Variants in LARGE1 observed in about 807,000 individuals in gnomAD.
The protein encoded by LARGE1 is LARGE xylosyl- and glucuronyltransferase 1.
LARGE1 carries 43 observed loss-of-function variants against 87.6 expected under a neutral mutation model. The observed-to-expected ratio is 0.49, with a 90% CI of 0.38 to 0.63. The LOEUF (loss-of-function observed/expected upper bound fraction) is 0.63, where lower values mean the gene tolerates loss of function less well. Ranked by LOEUF, LARGE1 falls within the 30% of genes least tolerant of loss-of-function variation. The probability of loss-of-function intolerance (pLI) is 0.00; values close to 1 mark genes in which losing one functional copy is unlikely to be tolerated. For missense variants in LARGE1, 802 were observed against 1,000.2 expected (o/e 0.80, Z 2.67); for synonymous variants, 434 against 394.6 (o/e 1.10, Z -1.18).
At chr22:33,259,642 T>C (rs566318554) in intron 11 of LARGE1, among the ~76,000 whole-genome samples, 2 of 152,316 alleles carry the variant, frequency 1.3e-5, no homozygotes, top group African/African-American at 4.8e-5. Flanking sequence ...CCCACTTGGG[T>C]CATTGAATCC....
At chr22:33,696,096 A>G (rs1029010610) in intron 2 of LARGE1, among the ~76,000 whole-genome samples, 1 of 152,198 alleles carries the variant, frequency 6.6e-6, no homozygotes, top group Non-Finnish European at 1.5e-5. Flanking sequence ...GTGGCATACC[A>G]TGATATTAAC....
At chr22:33,807,065 C>A (rs943026522) in intron 1 of LARGE1, among the ~76,000 whole-genome samples, 1 of 152,122 alleles carries the variant, frequency 6.6e-6, no homozygotes, top group African/African-American at 2.4e-5. Context: ...ACAAAGACAG[C>A]TGGATAGGCA....
chr22:33,221,751 T>C (rs540142239), intron 11 of LARGE1: 1 of 152,376 alleles, frequency 6.6e-6, no homozygotes, highest in South Asian at 2.1e-4. Flanking sequence ...CATTGTGGAC[T>C]GCCTCTTTTC....
At chr22:33,819,679 C>A (rs2146245337) in intron 1 of LARGE1, among the ~76,000 whole-genome samples, 1 of 152,280 alleles carries the variant, frequency 6.6e-6, no homozygotes, top group East Asian at 1.9e-4. Context: ...CCTCCTCAAC[C>A]ACCCTTTCCA....
intron 2 of LARGE1, among the ~76,000 whole-genome samples, chr22:33,760,098 T>G (rs1490299546): frequency 1.3e-5 from 2 of 152,198 alleles, no homozygotes; most frequent in African/African-American, 4.8e-5. Flanking sequence ...GAGCTGCCAA[T>G]AAAATTATGC....
At chr22:33,510,477 A>G (rs532056518) in intron 6 of LARGE1, among the ~76,000 whole-genome samples, 1 of 152,346 alleles carries the variant, frequency 6.6e-6, no homozygotes, top group South Asian at 2.1e-4. Context: ...TGTGCTAATG[A>G]CTGCTATACT....
chr22:33,198,691 A>G (rs1196321720), intron 11 of LARGE1, among the ~76,000 whole-genome samples: 5 of 149,284 alleles, frequency 3.3e-5, no homozygotes, highest in Non-Finnish European at 7.4e-5. Flanking sequence ...CTAAAATACT[A>G]TACTACATGG....
intron 11 of LARGE1, among the ~76,000 whole-genome samples, chr22:33,240,539 C>T (rs1926462537): frequency 2.0e-5 from 3 of 152,148 alleles, no homozygotes; most frequent in African/African-American, 4.8e-5. Context: ...ATCTATTTGT[C>T]TCTCCTTGTG....
intron 9 of LARGE1, among the ~76,000 whole-genome samples, chr22:33,345,454 T>G (rs563433780): frequency 6.6e-6 from 1 of 152,288 alleles, no homozygotes; most frequent in South Asian, 2.1e-4. Flanking sequence ...GCAGGATGAT[T>G]TAGGATTTCC....
At chr22:33,705,747 G>T (rs1053953931) in intron 2 of LARGE1, among the ~76,000 whole-genome samples, 3 of 152,192 alleles carry the variant, frequency 2.0e-5, no homozygotes, top group Admixed American at 1.3e-4. Flanking sequence ...CCACAGGCCA[G>T]ATTCTAGACT....
intron 11 of LARGE1, among the ~76,000 whole-genome samples, chr22:33,225,102 C>T (rs1925665956): frequency 2.0e-5 from 3 of 152,164 alleles, no homozygotes; most frequent in Admixed American, 6.5e-5. Flanking sequence ...AGCCTCTGCT[C>T]AGCATGCCAA....
At chr22:33,826,499 C>A (rs2062789209) in intron 1 of LARGE1, among the ~76,000 whole-genome samples, 1 of 152,006 alleles carries the variant, frequency 6.6e-6, no homozygotes, top group South Asian at 2.1e-4. Flanking sequence ...TCCACCACCG[C>A]ACCCGGCTAA....
At chr22:33,633,577 C>A (rs1344273997) in intron 3 of LARGE1, among the ~76,000 whole-genome samples, 1 of 152,238 alleles carries the variant, frequency 6.6e-6, no homozygotes, top group Non-Finnish European at 1.5e-5. Context: ...CTCTTCAACA[C>A]CCTGCCAGCC....
chr22:33,627,801 C>A (rs5999040), intron 3 of LARGE1, among the ~76,000 whole-genome samples: 1 of 152,152 alleles, frequency 6.6e-6, no homozygotes, highest in South Asian at 2.1e-4. Flanking sequence ...ATTCCCAGTA[C>A]GAGAAACTTG....
intron 11 of LARGE1, among the ~76,000 whole-genome samples, chr22:33,182,789 T>C (rs1345969916): frequency 1.3e-5 from 2 of 152,190 alleles, no homozygotes; most frequent in East Asian, 1.9e-4. Flanking sequence ...TAGACTCTTA[T>C]CTGACACCAT....
At chr22:33,305,073 C>T (rs907982765) in intron 11 of LARGE1, among the ~76,000 whole-genome samples, 5 of 152,244 alleles carry the variant, frequency 3.3e-5, no homozygotes, top group Non-Finnish European at 4.4e-5. Flanking sequence ...GATGGAGGAA[C>T]GGACGTGCCG....
chr22:33,662,076 C>CAAAAAAAAA (rs34470280), intron 2 of LARGE1, among the ~76,000 whole-genome samples: 2 of 54,892 alleles, frequency 3.6e-5, no homozygotes, highest in African/African-American at 1.4e-4. Context: ...GCTTAGGAGC[C>CAAAAAAAAA]AAAAAAAAAA....
At chr22:33,494,989 C>G (rs548322946) in intron 6 of LARGE1, among the ~76,000 whole-genome samples, 7 of 152,158 alleles carry the variant, frequency 4.6e-5, no homozygotes, top group African/African-American at 1.7e-4. Context: ...CTCAGTAATG[C>G]TATCCCAGTC....
rs1229129935 is a variant in LARGE1, at chr22:33,796,011, G to A, written c.-82-34453C>T. 6.3e-3 allele frequency among the ~76,000 whole-genome samples: 806 copies of A among 127,630 alleles called. 4 individuals are homozygous for A. Among genetic ancestry groups the A allele is most frequent in the Non-Finnish European group, 9.3e-3 (569 of 60,938 alleles). The allele number at this position is 127,630 out of a possible 152,430, so 83.7% of individuals were successfully genotyped here. On this transcript the variant is annotated intron_variant, in intron 1 of 14. Transcript: ENST00000397394. ...CTTAAAGTATTAAAAAAAAAAAAAA[G>A]AACATAGGCTGTGGAGCCAGAGACT...
Sources: gnomAD v4.1 joint callset for allele counts (sites outside exome capture counted in the v4.1 genomes callset) on GRCh38, gnomAD v4.1.1 for gene constraint, MANE v1.5 for transcripts, NCBI Gene and HGNC (gene_info 2026-07-23, HGNC 2026-07-21) for gene names.